The following ZNF362 variants were observed in gnomAD, a reference collection of about 807,000 sequenced individuals.
ZNF362 encodes rotund homolog.
A neutral mutation model predicts 42.9 loss-of-function variants in ZNF362; 11 were observed. That is an observed-to-expected ratio of 0.26 (90% CI 0.16 to 0.42). The LOEUF (loss-of-function observed/expected upper bound fraction) is 0.42, where lower values mean the gene tolerates loss of function less well. Among genes scored for constraint, ZNF362 ranks in the 20% least tolerant of loss-of-function variants. ZNF362 has a pLI of 1.00. For synonymous variants in ZNF362, 255 were observed against 257.3 expected (o/e 0.99, Z 0.09); for missense variants, 362 against 576.2 (o/e 0.63, Z 3.81).
At chr1:33,177,103 GCACA>G in the ZNF362 span, among the ~76,000 whole-genome samples, 5 of 150,778 alleles carry the variant, frequency 3.3e-5, no homozygotes, top group South Asian at 4.2e-4. The surrounding 1 kb of genome is among the most constrained non-coding windows in gnomAD (Gnocchi z 4.1). Flanking sequence ...GCACACACAT[GCACA>G]CACACATGCA....
intron 4 of ZNF362, among the ~76,000 whole-genome samples, chr1:33,277,556 C>A (rs1043776097): frequency 2.0e-5 from 3 of 152,104 alleles, no homozygotes; most frequent in Non-Finnish European, 2.9e-5. Context: ...TAGGTGGAGA[C>A]CCGGTTGTCA....
At chr1:33,181,091 G>A in the ZNF362 span, 11 of 1,599,226 alleles carry the variant, frequency 6.9e-6, no homozygotes, top group South Asian at 7.7e-5. This position sits in a 1 kb window ranked among gnomAD's most constrained non-coding sequence, Gnocchi z 6.5. Context: ...CAGGCTCGTC[G>A]CAGAAGAAGC....
chr1:33,284,277 G>A (rs1050999036), intron 6 of ZNF362, among the ~76,000 whole-genome samples: 14 of 152,198 alleles, frequency 9.2e-5, no homozygotes, highest in Admixed American at 6.5e-4. Context: ...CTTTTGAAGT[G>A]CAGTCCTTGT....
At chr1:33,161,966 G>GGTTC in the ZNF362 span, among the ~76,000 whole-genome samples, 3 of 152,088 alleles carry the variant, frequency 2.0e-5, no homozygotes, top group Admixed American at 2.0e-4. The surrounding 1 kb of genome is among the most constrained non-coding windows in gnomAD (Gnocchi z 4.3). Context: ...CTTTAAGGAT[G>GGTTC]GTTCCCAAGT....
At chr1:33,150,145 A>G in the ZNF362 span, among the ~76,000 whole-genome samples, 1 of 152,376 alleles carries the variant, frequency 6.6e-6, no homozygotes, top group Non-Finnish European at 1.5e-5. Flanking sequence ...CTTAGCCTGA[A>G]TGACCATTTC....
chr1:33,202,402 C>T, the ZNF362 span, among the ~76,000 whole-genome samples: 435 of 152,184 alleles, frequency 2.9e-3, 4 homozygotes, highest in Middle Eastern at 0.041. Flanking sequence ...TGAGATCATC[C>T]TGGCTAACAT....
the ZNF362 span, among the ~76,000 whole-genome samples, chr1:33,249,303 GC>G: frequency 6.6e-6 from 1 of 152,208 alleles, no homozygotes; most frequent in African/African-American, 2.4e-5. Context: ...GGCTTGTGTG[GC>G]TGGAGCACCG....
At chr1:33,133,129 C>G in the ZNF362 span, among the ~76,000 whole-genome samples, 1 of 152,148 alleles carries the variant, frequency 6.6e-6, no homozygotes, top group Non-Finnish European at 1.5e-5. Flanking sequence ...CCCATAGTCA[C>G]TTACAGTTAC....
the ZNF362 span, chr1:33,165,808 A>C: frequency 2.8e-6 from 1 of 362,952 alleles, no homozygotes; most frequent in Non-Finnish European, 5.0e-6. The surrounding 1 kb of genome is among the most constrained non-coding windows in gnomAD (Gnocchi z 4.0). Flanking sequence ...GCCACCCTAG[A>C]GGCTTCTGTG....
rs952843789 is a variant in ZNF362, at chr1:33,294,470, T to G, written c.909-467T>G. 1.3e-5 allele frequency among the ~76,000 whole-genome samples: 2 copies of G among 152,038 alleles called. No homozygotes were observed. The highest frequency in any genetic ancestry group is 2.9e-5 in the Non-Finnish European group (2 of 68,022). On this transcript the variant is annotated intron_variant, in intron 6 of 8. Coordinates refer to ENST00000539719, the MANE Select transcript of ZNF362 (RefSeq NM_152493.3). This position sits in a 1 kb window ranked among gnomAD's most constrained non-coding sequence, Gnocchi z 4.2. ...AGCTGTCACGGAGATGTGCCTGACATGGGGTAGGGACAGGAAATAAGTGTC... is the reference window on the plus strand; with the variant it reads ...AGCTGTCACGGAGATGTGCCTGACAGGGGGTAGGGACAGGAAATAAGTGTC...
At chr1:33,193,248 G>A in the ZNF362 span, among the ~76,000 whole-genome samples, 1 of 152,298 alleles carries the variant, frequency 6.6e-6, no homozygotes, top group African/African-American at 2.4e-5. Context: ...GCATTAGTAT[G>A]GGTGTGAGAA....
chr1:33,280,533 C>T lies in ZNF362; in HGVS notation c.683+76C>T. On this transcript the variant is annotated intron_variant, in intron 5 of 8. Transcript: ENST00000539719. The surrounding 1 kb of genome is among the most constrained non-coding windows in gnomAD (Gnocchi z 5.6). ...AGCCAGGGCTGCTCCAGGAGCCCAG[C>T]AGCGGGGCTGAAACAGGACCCTTAG... 6.8e-7 allele frequency: 1 copy of T among 1,471,024 alleles called. No homozygotes were observed. The highest frequency in any genetic ancestry group is 9.0e-7 in the Non-Finnish European group (1 of 1,105,724). The allele number at this position is 1,471,024 out of a possible 1,614,324, so 91.1% of individuals were successfully genotyped here.
chr1:33,159,946 T>G, the ZNF362 span: 1 of 1,600,734 alleles, frequency 6.2e-7, no homozygotes, highest in Non-Finnish European at 8.5e-7. The surrounding 1 kb of genome is among the most constrained non-coding windows in gnomAD (Gnocchi z 4.2). Context: ...GGTGGAAGAC[T>G]GTGGGGGACA....
upstream of ZNF362, among the ~76,000 whole-genome samples, chr1:33,256,172 TGGCGGCGGC>T (rs535478080): frequency 0.011 from 1,545 of 145,586 alleles, 25 homozygotes; most frequent in African/African-American, 0.036. Flanking sequence ...TGCCAGGCGG[TGGCGGCGGC>T]GGCGGCGGCG....
chr1:33,293,497 A>G (rs1245927204), intron 6 of ZNF362, among the ~76,000 whole-genome samples: 1 of 152,118 alleles, frequency 6.6e-6, no homozygotes, highest in African/African-American at 2.4e-5. Context: ...GCCTGGCCAG[A>G]GGGGCTTTAG....
chr1:33,165,176 C>T, the ZNF362 span: 56 of 295,942 alleles, frequency 1.9e-4, no homozygotes, highest in African/African-American at 1.1e-3. The surrounding 1 kb of genome is among the most constrained non-coding windows in gnomAD (Gnocchi z 4.0). Flanking sequence ...CGGAGGGTCC[C>T]GGGACCCGCC....
chr1:33,231,540 G>A, the ZNF362 span, among the ~76,000 whole-genome samples: 1 of 152,068 alleles, frequency 6.6e-6, no homozygotes, highest in South Asian at 2.1e-4. Context: ...TCCCTGCTGG[G>A]GTCAAGTCCC....
chr1:33,189,693 ATATACACATATATACG>A, the ZNF362 span, among the ~76,000 whole-genome samples: 32 of 16,458 alleles, frequency 1.9e-3, 1 homozygote, highest in Admixed American at 3.3e-3. Context: ...ACGTATATAT[ATATACACATATATACG>A]TATATATATA....
rs1557792041 is a variant in ZNF362 at position 33,276,100 on chromosome 1, G to A, written c.39G>A (p.Arg13=). The A allele has an allele frequency of 6.2e-7, 1 of 1,613,902 alleles. No homozygotes were observed. Among genetic ancestry groups the A allele is most frequent in the Non-Finnish European group, 8.5e-7 (1 of 1,180,014 alleles). The change falls in exon 3 of 9, where the codon AGG becomes AGA. Residue 13 remains arginine (R), a splice_region_variant and synonymous_variant. Transcript: ENST00000539719. ...RSSPSGKGHS[R]MAEPRFNNPY... ...GGTGACAGTCGCTCTCTTCCCGCAGGATGGCCGAGCCTCGATTTAACAACC... is the reference window on the plus strand; with the variant it reads ...GGTGACAGTCGCTCTCTTCCCGCAGAATGGCCGAGCCTCGATTTAACAACC...
Sources: gnomAD v4.1 joint callset for allele counts (sites outside exome capture counted in the v4.1 genomes callset) on GRCh38, gnomAD v4.1.1 for gene constraint, Gnocchi (gnomAD v3.1) non-coding constraint, MANE v1.5 for transcripts, NCBI Gene and HGNC (gene_info 2026-07-23, HGNC 2026-07-21) for gene names.